SMAP2: variants seen among roughly 807,000 people sequenced by gnomAD.
SMAP2 encodes the protein stromal membrane-associated protein 2.
Under a neutral mutation model 56.4 loss-of-function variants are expected in SMAP2, and 25 were observed. The ratio of observed to expected loss-of-function variants is 0.44; its 90% confidence interval spans 0.32 to 0.62. The LOEUF (loss-of-function observed/expected upper bound fraction) is 0.62, where lower values mean the gene tolerates loss of function less well. Ranked by LOEUF, SMAP2 falls within the 20% of genes least tolerant of loss-of-function variation. The pLI is 0.04. For missense variants in SMAP2, 388 were observed against 545.6 expected (o/e 0.71, Z 2.88); for synonymous variants, 157 against 181.7 (o/e 0.86, Z 1.09).
intron 1 of SMAP2, among the ~76,000 whole-genome samples, chr1:40,404,588 TAATG>T (rs1371317521): frequency 1.3e-5 from 2 of 152,254 alleles, no homozygotes; most frequent in Non-Finnish European, 2.9e-5. Context: ...TTTTAATTTT[TAATG>T]AATGTGTTTG....
chr1:40,416,630 G>A lies in SMAP2; in HGVS notation c.848-150G>A, dbSNP rs747593185. 2.5e-4 allele frequency: 218 copies of A among 879,188 alleles called. 1 individual carries two copies. The highest frequency in any genetic ancestry group is 9.2e-4 in the Admixed American group (32 of 34,614). 54.5% of individuals were successfully genotyped at this position (879,188 alleles called of 1,614,324 possible). ...CCATTGGTAAGCTATAGCAGGCCTC[G>A]TAGGGACTCTAACTACTTTGCTGTG... On this transcript the variant is annotated intron_variant, in intron 8 of 9. Transcript: ENST00000372718.
At chr1:40,378,969 T>C (rs974397339) in intron 1 of SMAP2, among the ~76,000 whole-genome samples, 2 of 141,484 alleles carry the variant, frequency 1.4e-5, no homozygotes, top group African/African-American at 5.1e-5. Context: ...GCAATTTCTT[T>C]TCTTTTCTTT....
chr1:40,374,288 G>C lies in SMAP2; in HGVS notation c.103+65G>C. ...CCGGGGTGGTGGGGGTGGGCTGCGT[G>C]AAGAGGCGGTTTCTGAAGCTTAGGC... On this transcript the variant is annotated intron_variant, in intron 1 of 9. Transcript: ENST00000372718. This position sits in a 1 kb window ranked among gnomAD's most constrained non-coding sequence, Gnocchi z 5.9. 7.2e-7 allele frequency: 1 copy of C among 1,388,856 alleles called. No individual in the cohort carries two copies. The highest frequency in any genetic ancestry group is 1.0e-6 in the Non-Finnish European group (1 of 994,580). 86.0% of individuals were successfully genotyped at this position (1,388,856 alleles called of 1,614,324 possible). A position where few individuals can be genotyped will look rare whatever the true frequency, so the allele number is the denominator to read the frequency against.
intron 9 of SMAP2, among the ~76,000 whole-genome samples, chr1:40,421,110 G>A (rs1379695080): frequency 6.6e-6 from 1 of 151,556 alleles, no homozygotes; most frequent in African/African-American, 2.4e-5. Flanking sequence ...GGGAGGGAGA[G>A]AAAATATGGC....
In SMAP2 at chr1:40,373,996, A is replaced by G. The variant is rs1355170743; in HGVS notation, c.-125A>G. 1 of 681,468 alleles carries G rather than the reference A, an allele frequency of 1.5e-6. No homozygotes were observed. The allele number at this position is 681,468 out of a possible 1,614,324, so 42.2% of individuals were successfully genotyped here. On this transcript the variant is annotated 5_prime_UTR_variant, in exon 1 of 10. Transcript: ENST00000372718. ...GGGGCGTCCGGCGGGGCCGGAGGAG[A>G]GGGCTCTCCCCGCTCAGGAGGTGCC...
At chr1:40,372,166 T>A (rs1010154929), upstream of SMAP2, among the ~76,000 whole-genome samples, 5 of 152,196 alleles carry the variant, frequency 3.3e-5, no homozygotes, top group Non-Finnish European at 7.3e-5. Flanking sequence ...AGGATTAATT[T>A]AACCAGATTT....
chr1:40,422,168 C>G lies in SMAP2; in HGVS notation c.*67C>G, dbSNP rs565367939. 19 of 1,589,684 alleles carry G rather than the reference C, an allele frequency of 1.2e-5. No homozygotes were observed. In the South Asian group the frequency reaches 1.6e-4, roughly 13 times the overall value. ...CTCTCCCCTTTCCACAGCCTCCACC[C>G]CTGACCCCCATCCTCTTTTCCTACC... On this transcript the variant is annotated 3_prime_UTR_variant, in exon 10 of 10. Coordinates refer to ENST00000372718, the MANE Select transcript of SMAP2 (RefSeq NM_022733.3).
At chr1:40,345,888 G>GTATTATATTA (rs56769230) in intron 1 of SMAP2, among the ~76,000 whole-genome samples, 27,861 of 119,828 alleles carry the variant, frequency 0.23, 3,613 homozygotes, top group Middle Eastern at 0.37. Flanking sequence ...ATATTGTATT[G>GTATTATATTA]TATTATATTA....
At chr1:40,361,390 T>G (rs3013463) in intron 1 of SMAP2, among the ~76,000 whole-genome samples, 280 of 152,280 alleles carry the variant, frequency 1.8e-3, no homozygotes, top group Middle Eastern at 0.014. Context: ...AGAGATGTGC[T>G]GGCTTAATGT....
At chr1:40,402,295 A>G (rs757362526) in intron 1 of SMAP2, among the ~76,000 whole-genome samples, 2 of 152,206 alleles carry the variant, frequency 1.3e-5, no homozygotes, top group Non-Finnish European at 2.9e-5. Flanking sequence ...TGATAATGCT[A>G]TATCCGTCAC....
intron 1 of SMAP2, among the ~76,000 whole-genome samples, chr1:40,351,635 C>T (rs1644409284): frequency 1.3e-5 from 2 of 152,090 alleles, no homozygotes; most frequent in African/African-American, 4.8e-5. Flanking sequence ...TCCGGAGTAG[C>T]TGGGATTACA....
chr1:40,354,328 T>G (rs981962806), intron 1 of SMAP2, among the ~76,000 whole-genome samples: 2 of 151,990 alleles, frequency 1.3e-5, no homozygotes, highest in African/African-American at 4.8e-5. Flanking sequence ...ATTGTGAGTT[T>G]TTGTTTGTTT....
chr1:40,377,111 C>T (rs1339956200), intron 1 of SMAP2, among the ~76,000 whole-genome samples: 1 of 151,942 alleles, frequency 6.6e-6, no homozygotes, highest in African/African-American at 2.4e-5. Flanking sequence ...CATAGTGTGA[C>T]CTTGTCTCTA....
At chr1:40,358,106 A>T (rs958273760) in intron 1 of SMAP2, among the ~76,000 whole-genome samples, 1 of 151,988 alleles carries the variant, frequency 6.6e-6, no homozygotes, top group Admixed American at 6.6e-5. Context: ...GATTTATTTC[A>T]TCAATGTTTT....
upstream of SMAP2, among the ~76,000 whole-genome samples, chr1:40,369,841 C>A (rs1644490119): frequency 7.9e-6 from 1 of 126,808 alleles, no homozygotes; most frequent in African/African-American, 3.1e-5. Context: ...CAACAAAAGA[C>A]AAAATTGACA....
At chr1:40,371,453 C>G (rs1051735718), upstream of SMAP2, among the ~76,000 whole-genome samples, 1 of 152,172 alleles carries the variant, frequency 6.6e-6, no homozygotes, top group Non-Finnish European at 1.5e-5. Flanking sequence ...AAACAAAACT[C>G]AATGGCAACA....
Position 40,386,052 on chromosome 1 carries a change from C to A in SMAP2, c.103+11829C>A, listed in dbSNP as rs889143782. ...AGTGTAAAGCTTGTAGAGAAGGGGG[C>A]ATTGGTGTCTTTTTGTTGTTGTTGA... On this transcript the variant is annotated intron_variant, in intron 1 of 9. Coordinates refer to ENST00000372718, the MANE Select transcript of SMAP2 (RefSeq NM_022733.3). The surrounding 1 kb of genome is among the most constrained non-coding windows in gnomAD (Gnocchi z 4.1). Among the ~76,000 whole-genome samples the A allele has an allele frequency of 1.3e-5, 2 of 152,154 alleles. No individual in the cohort carries two copies.
chr1:40,360,128 T>A (rs1330224325), intron 1 of SMAP2, among the ~76,000 whole-genome samples: 1 of 146,052 alleles, frequency 6.8e-6, no homozygotes, highest in African/African-American at 2.5e-5. Context: ...TGCCTCAGCC[T>A]CCTGAGTAGC....
intron 1 of SMAP2, among the ~76,000 whole-genome samples, chr1:40,354,439 A>G (rs1270508158): frequency 6.6e-6 from 1 of 151,796 alleles, no homozygotes; most frequent in Non-Finnish European, 1.5e-5. Flanking sequence ...CCCGGGTTCA[A>G]GTGATTCTCC....
Sources: gnomAD v4.1 joint callset for allele counts (sites outside exome capture counted in the v4.1 genomes callset) on GRCh38, gnomAD v4.1.1 for gene constraint, Gnocchi (gnomAD v3.1) non-coding constraint, MANE v1.5 for transcripts, NCBI Gene and HGNC (gene_info 2026-07-23, HGNC 2026-07-21) for gene names.